Variants in PTPRN2 observed in about 807,000 individuals in gnomAD.
PTPRN2 encodes receptor-type tyrosine-protein phosphatase N2.
In PTPRN2, 74 loss-of-function variants were observed where a neutral mutation model predicts 118.8. The observed-to-expected ratio is 0.62, with a 90% CI of 0.52 to 0.76. The LOEUF is 0.76. PTPRN2 is among the 30% of genes least tolerant of loss of function. PTPRN2 has a pLI of 0.00. For missense variants in PTPRN2, 1,481 were observed against 1,394.4 expected (o/e 1.06, Z -0.99); for synonymous variants, 641 against 608.0 (o/e 1.05, Z -0.80).
At chr7:158,127,667 T>C (rs1369237474) in intron 9 of PTPRN2, among the ~76,000 whole-genome samples, 1 of 152,118 alleles carries the variant, frequency 6.6e-6, no homozygotes, top group African/African-American at 2.4e-5. Flanking sequence ...GCAGAATACA[T>C]CCCAATCCAG....
chr7:158,354,861 C>T (rs1425277861), intron 2 of PTPRN2, among the ~76,000 whole-genome samples: 1 of 152,160 alleles, frequency 6.6e-6, no homozygotes, highest in African/African-American at 2.4e-5. Context: ...AATATGACCA[C>T]CTCAGGCTTT....
chr7:158,135,047 T>C (rs1283144968), intron 8 of PTPRN2, among the ~76,000 whole-genome samples: 1 of 152,148 alleles, frequency 6.6e-6, no homozygotes, highest in African/African-American at 2.4e-5. Context: ...CTCCTGCCAC[T>C]GGCACATACC....
At position 157,990,063 on chromosome 7, in the gene PTPRN2, G is replaced by T. The variant is rs1400477243; in HGVS notation, c.1723+91235C>A. Among the ~76,000 whole-genome samples, 2 of 152,194 alleles carry T rather than the reference G, an allele frequency of 1.3e-5. No homozygotes were observed. Among genetic ancestry groups the T allele is most frequent in the East Asian group, 3.9e-4 (2 of 5,168 alleles). On this transcript the variant is annotated intron_variant, in intron 11 of 22. Transcript: ENST00000389418. This position sits in a 1 kb window ranked among gnomAD's most constrained non-coding sequence, Gnocchi z 4.3. The stretch of plus-strand genomic sequence containing the variant: ...AAATTTGTATTTCTCAACAAAACCT[G>T]CCCTCCATCCCTCTATGAAGAAAAA...
At chr7:157,771,439 T>C (rs923036049) in intron 12 of PTPRN2, among the ~76,000 whole-genome samples, 1 of 152,272 alleles carries the variant, frequency 6.6e-6, no homozygotes, top group African/African-American at 2.4e-5. Context: ...CATGCCCTTC[T>C]GTGGCTTGCA....
At chr7:158,025,427 G>A (rs765428499) in intron 11 of PTPRN2, among the ~76,000 whole-genome samples, 24 of 152,136 alleles carry the variant, frequency 1.6e-4, no homozygotes, top group Non-Finnish European at 2.9e-4. Context: ...CCCCCAGCAC[G>A]GCCGCCTTCC....
chr7:157,938,070 C>T (rs1182370539), intron 11 of PTPRN2, among the ~76,000 whole-genome samples: 1 of 152,186 alleles, frequency 6.6e-6, no homozygotes, highest in Non-Finnish European at 1.5e-5. Context: ...CAATGTGAAC[C>T]CCGGCTGTTC....
chr7:158,372,849 C>T (rs1375558885), intron 2 of PTPRN2, among the ~76,000 whole-genome samples: 4 of 152,242 alleles, frequency 2.6e-5, no homozygotes, highest in Non-Finnish European at 5.9e-5. Flanking sequence ...ATAGTCCTGA[C>T]AGGCAGAGTT....
chr7:157,894,196 G>A (rs1215551989), intron 12 of PTPRN2, among the ~76,000 whole-genome samples: 1 of 152,210 alleles, frequency 6.6e-6, no homozygotes, highest in Non-Finnish European at 1.5e-5. Context: ...TCAACTCTGA[G>A]GGGCACAAAG....
Position 157,794,963 on chromosome 7 carries a change from G to C in PTPRN2, c.1788+103710C>G, listed in dbSNP as rs942676128. ...AGTGCTTCCCTCACTTAGCGGGGAT[G>C]CAATTATAAAGTATTGAAACTTCCT... On this transcript the variant is annotated intron_variant, in intron 12 of 22. Coordinates refer to ENST00000389418, the MANE Select transcript of PTPRN2 (RefSeq NM_002847.5). The surrounding 1 kb of genome is among the most constrained non-coding windows in gnomAD (Gnocchi z 5.2). Among the ~76,000 whole-genome samples the C allele has an allele frequency of 5.3e-5, 8 of 152,260 alleles. No homozygotes were observed. Among genetic ancestry groups the C allele is most frequent in the African/African-American group, 1.9e-4 (8 of 41,468 alleles).
At chr7:158,538,815 C>T (rs947941853) in intron 1 of PTPRN2, among the ~76,000 whole-genome samples, 14 of 152,186 alleles carry the variant, frequency 9.2e-5, no homozygotes, top group African/African-American at 3.4e-4. Flanking sequence ...CTCGCAGCCT[C>T]GTAACCCCAA....
chr7:157,867,779 C>A (rs1584913158), intron 12 of PTPRN2, among the ~76,000 whole-genome samples: 1 of 152,360 alleles, frequency 6.6e-6, no homozygotes, highest in East Asian at 1.9e-4. Context: ...GGGTCCCTCC[C>A]AGAATCCAGT....
intron 2 of PTPRN2, among the ~76,000 whole-genome samples, chr7:158,485,039 G>C (rs1006990676): frequency 6.6e-6 from 1 of 152,086 alleles, no homozygotes. Flanking sequence ...AGCGTCCCGG[G>C]AGGGCACCTG....
At chr7:158,541,154 C>A (rs373772173) in intron 1 of PTPRN2, among the ~76,000 whole-genome samples, 1 of 152,164 alleles carries the variant, frequency 6.6e-6, no homozygotes, top group African/African-American at 2.4e-5. Context: ...CACTAGTGTG[C>A]CTGGCACCTC....
intron 11 of PTPRN2, among the ~76,000 whole-genome samples, chr7:157,993,926 G>A (rs1308968869): frequency 1.3e-5 from 2 of 152,100 alleles, no homozygotes; most frequent in East Asian, 1.9e-4. Flanking sequence ...AGCTCACTGG[G>A]TCTCCCTGCG....
At chr7:158,409,427 G>T (rs1056300853) in intron 2 of PTPRN2, among the ~76,000 whole-genome samples, 1 of 152,216 alleles carries the variant, frequency 6.6e-6, no homozygotes, top group Non-Finnish European at 1.5e-5. Flanking sequence ...AGGCATGAGC[G>T]TGGAGAGGGC....
chr7:157,597,132 G>A (rs111379995), intron 16 of PTPRN2, among the ~76,000 whole-genome samples: 37 of 152,292 alleles, frequency 2.4e-4, no homozygotes, highest in African/African-American at 8.4e-4. Flanking sequence ...CGAGCATAAA[G>A]GAACAGATGT....
Position 158,154,771 on chromosome 7 carries a change from A to C in PTPRN2, c.910+12160T>G, listed in dbSNP as rs937321439. ...CTTTAAAAAAAATCATAAGTATATA[A>C]GAGAAAATTCTAAGTTGCTGGGCAG... On this transcript the variant is annotated intron_variant, in intron 6 of 22. Coordinates refer to ENST00000389418, the MANE Select transcript of PTPRN2 (RefSeq NM_002847.5). 3.3e-5 allele frequency among the ~76,000 whole-genome samples: 5 copies of C among 152,214 alleles called. No individual in the cohort carries two copies. In the South Asian group the frequency reaches 1.0e-3, roughly 32 times the overall value.
chr7:158,127,284 G>GCCCTGCGTCCTCCTCTGCGTGCA (rs1019543279), intron 9 of PTPRN2, among the ~76,000 whole-genome samples: 3 of 150,330 alleles, frequency 2.0e-5, no homozygotes, highest in Non-Finnish European at 4.4e-5. Context: ...GTGCACCTGT[G>GCCCTGCGTCCTCCTCTGCGTGCA]CCCTGCGTCC....
At chr7:157,753,810 G>A (rs1019983471) in intron 12 of PTPRN2, among the ~76,000 whole-genome samples, 32 of 152,114 alleles carry the variant, frequency 2.1e-4, no homozygotes, top group African/African-American at 6.5e-4. Context: ...ATCTGCAACC[G>A]TGCCCTGCCC....
Sources: allele counts gnomAD v4.1 joint callset (sites outside exome capture counted in the v4.1 genomes callset), GRCh38; gene constraint gnomAD v4.1.1; non-coding constraint Gnocchi (gnomAD v3.1); transcripts MANE v1.5; gene names NCBI Gene and HGNC (gene_info 2026-07-23, HGNC 2026-07-21).